Variants in MAGI2 observed in about 807,000 individuals in gnomAD.
MAGI2 encodes membrane associated guanylate kinase, WW and PDZ domain containing 2.
In MAGI2, 35 loss-of-function variants were observed where a neutral mutation model predicts 133.3. That is an observed-to-expected ratio of 0.26 (90% CI 0.20 to 0.35). The LOEUF (loss-of-function observed/expected upper bound fraction) is 0.35, where lower values mean the gene tolerates loss of function less well. Among genes scored for constraint, MAGI2 ranks in the 10% least tolerant of loss-of-function variants. The pLI is 1.00. For synonymous variants in MAGI2, 729 were observed against 710.6 expected, an observed-to-expected ratio of 1.03 and a Z score of -0.41; for missense variants, 1,636 against 1,863.4, an observed-to-expected ratio of 0.88 and a Z score of 2.25.
chr7:78,614,332 A>T (rs1379036771), intron 3 of MAGI2: 1 of 151,722 alleles, frequency 6.6e-6, no homozygotes, highest in East Asian at 1.9e-4. Context: ...TCCACATACT[A>T]TCATGCTGAG....
intron 2 of MAGI2, among the ~76,000 whole-genome samples, chr7:78,876,821 T>C (rs1228137234): frequency 6.6e-6 from 1 of 152,234 alleles, no homozygotes; most frequent in Non-Finnish European, 1.5e-5. Flanking sequence ...CTCCCCATCA[T>C]TGAAGATGAA....
At chr7:78,765,264 C>G (rs1200927351) in intron 2 of MAGI2, among the ~76,000 whole-genome samples, 1 of 150,418 alleles carries the variant, frequency 6.6e-6, no homozygotes, top group Non-Finnish European at 1.5e-5. Context: ...GCTAGTTACA[C>G]TATCTTTTCC....
intron 1 of MAGI2, among the ~76,000 whole-genome samples, chr7:79,155,454 T>C (rs1433385759): frequency 6.6e-6 from 1 of 152,050 alleles, no homozygotes; most frequent in Non-Finnish European, 1.5e-5. Context: ...ATCTCACTGA[T>C]AAATATATAA....
intron 2 of MAGI2, among the ~76,000 whole-genome samples, chr7:78,679,587 C>T (rs1435099588): frequency 2.0e-5 from 3 of 152,120 alleles, no homozygotes; most frequent in African/African-American, 7.2e-5. Flanking sequence ...AAAGAAAGAT[C>T]CTTTCAAAGA....
At chr7:78,710,951 CTGTT>C (rs1270381979) in intron 2 of MAGI2, among the ~76,000 whole-genome samples, 1 of 152,106 alleles carries the variant, frequency 6.6e-6, no homozygotes, top group East Asian at 1.9e-4. Context: ...GAATGTTTGA[CTGTT>C]TGACAGGTAA....
intron 6 of MAGI2, among the ~76,000 whole-genome samples, chr7:78,470,125 C>A (rs1183683843): frequency 1.2e-4 from 19 of 152,106 alleles, no homozygotes; most frequent in Non-Finnish European, 2.6e-4. Context: ...CCTTAAGGAT[C>A]ATTTCTCATT....
At chr7:78,731,474 T>A (rs1224214434) in intron 2 of MAGI2, among the ~76,000 whole-genome samples, 1 of 152,114 alleles carries the variant, frequency 6.6e-6, no homozygotes, top group African/African-American at 2.4e-5. Context: ...AATGAAATAT[T>A]TGCACAAAAT....
intron 2 of MAGI2, among the ~76,000 whole-genome samples, chr7:78,867,075 C>T (rs1456265434): frequency 6.7e-6 from 1 of 149,994 alleles, no homozygotes; most frequent in Non-Finnish European, 1.5e-5. Context: ...AATAGGAACA[C>T]TTTTACACTG....
At chr7:78,937,413 C>G (rs1260653320) in intron 2 of MAGI2, among the ~76,000 whole-genome samples, 2 of 151,410 alleles carry the variant, frequency 1.3e-5, no homozygotes, top group Non-Finnish European at 1.5e-5. Context: ...AGGCAAATTA[C>G]TAGAGGAGTA....
At chr7:79,225,299 G>A (rs943637788) in intron 1 of MAGI2, among the ~76,000 whole-genome samples, 2 of 152,136 alleles carry the variant, frequency 1.3e-5, no homozygotes, top group African/African-American at 2.4e-5. Flanking sequence ...CTCAATGTAA[G>A]AACCCCACAA....
chr7:79,094,187 T>C (rs13437630), intron 1 of MAGI2, among the ~76,000 whole-genome samples: 6,413 of 152,282 alleles, frequency 0.042, 427 homozygotes, highest in African/African-American at 0.14. Context: ...TTTGAAATAT[T>C]CTAAATCCTT....
intron 21 of MAGI2, among the ~76,000 whole-genome samples, chr7:78,062,746 C>T (rs1813414385): frequency 6.6e-6 from 1 of 152,188 alleles, no homozygotes; most frequent in African/African-American, 2.4e-5. Flanking sequence ...CTCCTGAGTG[C>T]CTCATCCAAG....
At chr7:79,036,296 G>T (rs933608337) in intron 1 of MAGI2, among the ~76,000 whole-genome samples, 1 of 152,118 alleles carries the variant, frequency 6.6e-6, no homozygotes, top group Non-Finnish European at 1.5e-5. Flanking sequence ...TAGGATAATT[G>T]ACTTGAGGAT....
At chr7:78,638,194 A>G (rs1215023340) in intron 2 of MAGI2, among the ~76,000 whole-genome samples, 1 of 152,216 alleles carries the variant, frequency 6.6e-6, no homozygotes, top group African/African-American at 2.4e-5. Context: ...GTTGATGTAT[A>G]TGCAATATAT....
At chr7:79,117,437 G>A (rs1387731036) in intron 1 of MAGI2, among the ~76,000 whole-genome samples, 2 of 152,206 alleles carry the variant, frequency 1.3e-5, no homozygotes, top group South Asian at 4.1e-4. Flanking sequence ...ATCATAATAT[G>A]ATTTTTAATT....
intron 1 of MAGI2, among the ~76,000 whole-genome samples, chr7:79,373,954 A>G (rs1388654391): frequency 6.6e-6 from 1 of 152,068 alleles, no homozygotes; most frequent in African/African-American, 2.4e-5. Flanking sequence ...ATTTTATGCC[A>G]TATTTGTATA....
intron 9 of MAGI2, among the ~76,000 whole-genome samples, chr7:78,304,758 G>T (rs775067016): frequency 3.9e-5 from 6 of 152,172 alleles, no homozygotes; most frequent in Non-Finnish European, 1.5e-5. Context: ...GAAGAGTAGT[G>T]GTTGCTACTT....
chr7:78,667,167 A>T (rs1042753692), intron 2 of MAGI2, among the ~76,000 whole-genome samples: 38 of 152,146 alleles, frequency 2.5e-4, no homozygotes, highest in African/African-American at 8.9e-4. Flanking sequence ...CATAATGAGA[A>T]TACTGGAGTT....
At position 79,391,282 on chromosome 7, in the gene MAGI2, T is replaced by A. The variant is rs1585810189; in HGVS notation, c.301+61738A>T. Among the ~76,000 whole-genome samples, 4 of 151,814 alleles carry A rather than the reference T, an allele frequency of 2.6e-5. No homozygotes were observed. The East Asian group carries it at 7.8e-4, about 30-fold the overall frequency. Reference sequence around the variant, plus strand: ...GTTTAATAAAATAATCCATAAATTTTGCAAATGTAGATTAATATAAGAAAA... The same window carrying A: ...GTTTAATAAAATAATCCATAAATTTAGCAAATGTAGATTAATATAAGAAAA... On this transcript the variant is annotated intron_variant, in intron 1 of 21. Transcript: ENST00000354212.
Sources: allele counts gnomAD v4.1 joint callset (sites outside exome capture counted in the v4.1 genomes callset), GRCh38; gene constraint gnomAD v4.1.1; transcripts MANE v1.5; gene names NCBI Gene and HGNC (gene_info 2026-07-23, HGNC 2026-07-21).